CHRM2: variants seen among roughly 807,000 people sequenced by gnomAD.
The protein encoded by CHRM2 is cholinergic receptor muscarinic 2.
Under a neutral mutation model 25.0 loss-of-function variants are expected in CHRM2, and 8 were observed. That is an observed-to-expected ratio of 0.32 (90% CI 0.19 to 0.58). The LOEUF is 0.58. Ranked by LOEUF, CHRM2 falls within the 20% of genes least tolerant of loss-of-function variation. The pLI is 0.88. For synonymous variants in CHRM2, 202 were observed against 205.7 expected, an observed-to-expected ratio of 0.98 and a Z score of 0.15; for missense variants, 440 against 567.1, an observed-to-expected ratio of 0.78 and a Z score of 2.28.
At chr7:136,988,944 C>T (rs1803036490) in intron 2 of CHRM2, among the ~76,000 whole-genome samples, 3 of 151,948 alleles carry the variant, frequency 2.0e-5, no homozygotes, top group South Asian at 2.1e-4. Context: ...TTAGTATATT[C>T]GAATTTAAGA....
At chr7:137,000,593 G>GGAAGGAAGGAA (rs1803962534) in intron 3 of CHRM2, among the ~76,000 whole-genome samples, 1 of 42,960 alleles carries the variant, frequency 2.3e-5, no homozygotes, top group African/African-American at 8.9e-5. Flanking sequence ...GGAAGGAAGG[G>GGAAGGAAGGAA]AAAAAAAGCA....
chr7:136,968,498 C>T (rs181410177), intron 2 of CHRM2, among the ~76,000 whole-genome samples: 74 of 151,846 alleles, frequency 4.9e-4, no homozygotes, highest in African/African-American at 1.6e-3. Context: ...AATGCAATTA[C>T]CATATGATCC....
At chr7:136,960,059 G>A (rs1300482584) in intron 2 of CHRM2, among the ~76,000 whole-genome samples, 1 of 152,184 alleles carries the variant, frequency 6.6e-6, no homozygotes, top group African/African-American at 2.4e-5. Flanking sequence ...GAGCGAGGGA[G>A]GGAGTAGCTG....
At chr7:136,872,295 G>A (rs1394096911) in intron 2 of CHRM2, among the ~76,000 whole-genome samples, 2 of 152,226 alleles carry the variant, frequency 1.3e-5, no homozygotes, top group Admixed American at 1.3e-4. Flanking sequence ...GGAACCCAAA[G>A]AGCATGTTTT....
chr7:136,930,854 G>A (rs530369312), intron 2 of CHRM2, among the ~76,000 whole-genome samples: 7 of 131,026 alleles, frequency 5.3e-5, no homozygotes, highest in African/African-American at 1.9e-4. Context: ...CCGAGACTGC[G>A]CCACTGCACT....
At chr7:136,939,579 G>A (rs571696942) in intron 2 of CHRM2, among the ~76,000 whole-genome samples, 6 of 152,276 alleles carry the variant, frequency 3.9e-5, no homozygotes, top group Non-Finnish European at 8.8e-5. Flanking sequence ...TTTACAATAA[G>A]ATTCTGGGTT....
At chr7:136,944,333 T>C (rs1378219105) in intron 2 of CHRM2, among the ~76,000 whole-genome samples, 1 of 142,084 alleles carries the variant, frequency 7.0e-6, no homozygotes, top group Non-Finnish European at 1.5e-5. Context: ...AGTGAGAACA[T>C]ACAATGTTTG....
chr7:136,949,732 A>T (rs1800286290), intron 2 of CHRM2, among the ~76,000 whole-genome samples: 1 of 107,448 alleles, frequency 9.3e-6, no homozygotes, highest in Non-Finnish European at 1.8e-5. Context: ...ACTTTTTAAA[A>T]CAGTATTTGA....
chr7:136,904,998 A>G (rs1797453773), intron 2 of CHRM2, among the ~76,000 whole-genome samples: 1 of 151,990 alleles, frequency 6.6e-6, no homozygotes, highest in Non-Finnish European at 1.5e-5. Context: ...ATAAGTGTAC[A>G]GTACTGTGAT....
At chr7:136,886,614 C>T (rs1796475009) in intron 2 of CHRM2, among the ~76,000 whole-genome samples, 1 of 152,052 alleles carries the variant, frequency 6.6e-6, no homozygotes, top group Non-Finnish European at 1.5e-5. Flanking sequence ...TGTCTGTAAT[C>T]CCAGCACTTT....
chr7:136,972,732 TGGTGAC>T, intron 2 of CHRM2, among the ~76,000 whole-genome samples: 1 of 144,764 alleles, frequency 6.9e-6, no homozygotes, highest in East Asian at 2.1e-4. Context: ...CAGGTAATGA[TGGTGAC>T]GGTGTTAGGG....
At chr7:136,886,967 C>T (rs1796492570) in intron 2 of CHRM2, among the ~76,000 whole-genome samples, 1 of 152,184 alleles carries the variant, frequency 6.6e-6, no homozygotes, top group Admixed American at 6.5e-5. Flanking sequence ...GAATGTATGT[C>T]CACCACTTCA....
At chr7:136,917,882 A>G (rs17496575) in intron 2 of CHRM2, among the ~76,000 whole-genome samples, 34,037 of 152,054 alleles carry the variant, frequency 0.22, 4,972 homozygotes, top group Non-Finnish European at 0.32. Context: ...ATAGGATATG[A>G]ATATTTTGTT....
Position 136,971,665 on chromosome 7 carries a change from G to A in CHRM2, c.-124-20522G>A, listed in dbSNP as rs192073395. On this transcript the variant is annotated intron_variant, in intron 2 of 3. Coordinates refer to ENST00000680005, the MANE Select transcript of CHRM2 (RefSeq NM_001006630.2). ...CTTGCTGGAGGAGTTTAGTGAAAAT[G>A]TAACAGAAAAATATAGTTATAAAAA... is the stretch of plus-strand genomic sequence containing the variant. 2.0e-5 allele frequency among the ~76,000 whole-genome samples: 3 copies of A among 148,232 alleles called. No individual in the cohort carries two copies. In the East Asian group the frequency reaches 6.0e-4, roughly 29 times the overall value.
At chr7:136,936,076 T>C (rs896287431) in intron 2 of CHRM2, among the ~76,000 whole-genome samples, 9 of 152,182 alleles carry the variant, frequency 5.9e-5, no homozygotes, top group Non-Finnish European at 1.2e-4. Context: ...AAATTTATTT[T>C]TAAGATTCAA....
chr7:136,871,544 CGCGCATT>C (rs1795840659), intron 2 of CHRM2: 1 of 152,712 alleles, frequency 6.5e-6, no homozygotes. Context: ...CGGCAAAGGC[CGCGCATT>C]GCACTTTGTG....
intron 2 of CHRM2, among the ~76,000 whole-genome samples, chr7:136,880,539 T>C (rs1159491827): frequency 6.6e-6 from 1 of 152,036 alleles, no homozygotes; most frequent in Non-Finnish European, 1.5e-5. Flanking sequence ...TGAAATTTGA[T>C]ACCGAGGTCA....
At chr7:137,000,194 C>CTTTTTTTTTTTTT (rs57283576) in intron 3 of CHRM2, among the ~76,000 whole-genome samples, 1 of 73,316 alleles carries the variant, frequency 1.4e-5, no homozygotes, top group Non-Finnish European at 2.4e-5. Context: ...CTTTTTCTTT[C>CTTTTTTTTTTTTT]TTTTTTTTTT....
rs570669958 is a variant in CHRM2 at position 136,928,518 on chromosome 7, A to G, written c.-125+59100A>G. ...GATCCTTCAAAACATCAGAGGAAAC[A>G]ATGTTTTTAATACTCATCCACTTTA... On this transcript the variant is annotated intron_variant, in intron 2 of 3. Transcript: ENST00000680005. Among the ~76,000 whole-genome samples the G allele has an allele frequency of 1.2e-4, 18 of 152,330 alleles. No homozygotes were observed. The South Asian group carries it at 3.7e-3, about 32-fold the overall frequency.
Sources: gnomAD v4.1 joint callset for allele counts (sites outside exome capture counted in the v4.1 genomes callset) on GRCh38, gnomAD v4.1.1 for gene constraint, MANE v1.5 for transcripts, NCBI Gene and HGNC (gene_info 2026-07-23, HGNC 2026-07-21) for gene names.